Variants in GRM3 observed in about 807,000 individuals in gnomAD.
The protein encoded by GRM3 is metabotropic glutamate receptor 3.
Under a neutral mutation model 70.5 loss-of-function variants are expected in GRM3, and 26 were observed. The observed-to-expected ratio is 0.37, with a 90% confidence interval of 0.27 to 0.51. The LOEUF is 0.51. GRM3 is among the 20% of genes least tolerant of loss of function. GRM3 has a pLI of 0.93. For missense variants in GRM3, 859 were observed against 1,123.8 expected, an observed-to-expected ratio of 0.76 and a Z score of 3.37; for synonymous variants, 443 against 434.9, an observed-to-expected ratio of 1.02 and a Z score of -0.23.
chr7:86,844,960 G>A (rs1798628133), intron 4 of GRM3, among the ~76,000 whole-genome samples: 1 of 152,054 alleles, frequency 6.6e-6, no homozygotes, highest in South Asian at 2.1e-4. Context: ...CGTGACCTTG[G>A]GTTCAGGCAA....
intron 3 of GRM3, among the ~76,000 whole-genome samples, chr7:86,807,387 T>G (rs1797815765): frequency 6.9e-6 from 1 of 144,430 alleles, no homozygotes; most frequent in African/African-American, 2.7e-5. Context: ...GCATGGAATG[T>G]TCTTCCATTT....
At chr7:86,728,500 C>G (rs1453259238) in intron 1 of GRM3, among the ~76,000 whole-genome samples, 1 of 152,178 alleles carries the variant, frequency 6.6e-6, no homozygotes, top group Non-Finnish European at 1.5e-5. Flanking sequence ...CTTCTCCAGG[C>G]AATGGGGCTG....
chr7:86,787,897 TGA>T (rs1343264614), intron 3 of GRM3, among the ~76,000 whole-genome samples: 5 of 152,364 alleles, frequency 3.3e-5, no homozygotes, highest in Admixed American at 3.3e-4. Flanking sequence ...AGTATTGCAT[TGA>T]ATGCATTACT....
At chr7:86,795,201 A>C (rs1797519301) in intron 3 of GRM3, among the ~76,000 whole-genome samples, 1 of 151,952 alleles carries the variant, frequency 6.6e-6, no homozygotes, top group South Asian at 2.1e-4. Flanking sequence ...GGGTTAACAC[A>C]TACAGAACCG....
chr7:86,842,474 C>A (rs1487896776), intron 4 of GRM3, among the ~76,000 whole-genome samples: 2 of 152,180 alleles, frequency 1.3e-5, no homozygotes, highest in Admixed American at 6.6e-5. Flanking sequence ...AATTCTCACA[C>A]CTGGTCCCTT....
At chr7:86,754,744 C>A (rs1796305492) in intron 1 of GRM3, among the ~76,000 whole-genome samples, 1 of 151,988 alleles carries the variant, frequency 6.6e-6, no homozygotes, top group South Asian at 2.1e-4. Context: ...TATATAAAAC[C>A]AATTTCAAAC....
At chr7:86,825,105 C>T (rs145198983) in intron 3 of GRM3, among the ~76,000 whole-genome samples, 382 of 152,302 alleles carry the variant, frequency 2.5e-3, no homozygotes, top group Non-Finnish European at 4.1e-3. Flanking sequence ...TCCTCACCCT[C>T]CTCCTGCCCT....
At position 86,783,848 on chromosome 7, in the gene GRM3, C is replaced by A. The variant is rs189106468; in HGVS notation, c.469-2413C>A. ...TATCGTAAGTTTGACTATATTATCA[C>A]CCCATGCTATTCAATATAGGTGATA... On this transcript the variant is annotated intron_variant, in intron 2 of 5. Coordinates refer to ENST00000361669, the MANE Select transcript of GRM3 (RefSeq NM_000840.3). 3.0e-3 allele frequency among the ~76,000 whole-genome samples: 460 copies of A among 152,234 alleles called. 6 individuals carry two copies. Among genetic ancestry groups the A allele is most frequent in the African/African-American group, 0.011 (438 of 41,534 alleles).
chr7:86,809,226 G>T (rs1797862530), intron 3 of GRM3, among the ~76,000 whole-genome samples: 2 of 152,006 alleles, frequency 1.3e-5, no homozygotes, highest in East Asian at 1.9e-4. Context: ...CACAGTTAAA[G>T]TTACTTCTCA....
At chr7:86,707,698 C>T (rs747372166) in intron 1 of GRM3, among the ~76,000 whole-genome samples, 29 of 152,062 alleles carry the variant, frequency 1.9e-4, no homozygotes, top group Admixed American at 1.1e-3. Context: ...AAATGGTTGG[C>T]ATAGTATTTA....
intron 2 of GRM3, among the ~76,000 whole-genome samples, chr7:86,771,721 A>G (rs1024329996): frequency 6.6e-6 from 1 of 152,108 alleles, no homozygotes; most frequent in African/African-American, 2.4e-5. Flanking sequence ...CCAAGTGTAG[A>G]ATCTGAGTAT....
chr7:86,655,820 C>CTGTGTGTG (rs371609030), intron 1 of GRM3, among the ~76,000 whole-genome samples: 22 of 144,548 alleles, frequency 1.5e-4, no homozygotes, highest in South Asian at 2.3e-4. Flanking sequence ...AAGGCTAACT[C>CTGTGTGTG]TGTGTGTGTG....
At chr7:86,669,683 G>T (rs770289641) in intron 1 of GRM3, among the ~76,000 whole-genome samples, 1 of 152,070 alleles carries the variant, frequency 6.6e-6, no homozygotes, top group African/African-American at 2.4e-5. Context: ...TATATATTTT[G>T]TTCCATTCCA....
intron 1 of GRM3, among the ~76,000 whole-genome samples, chr7:86,759,915 G>A (rs150893952): frequency 1.3e-5 from 2 of 152,060 alleles, no homozygotes; most frequent in Non-Finnish European, 2.9e-5. Context: ...TAGCTACAGC[G>A]TCTGTTTGTT....
intron 2 of GRM3, among the ~76,000 whole-genome samples, chr7:86,767,751 T>C (rs2116427656): frequency 6.6e-6 from 1 of 152,024 alleles, no homozygotes; most frequent in African/African-American, 2.4e-5. Context: ...CTACAGCAGA[T>C]GTGTAAATAT....
At chr7:86,733,615 G>A (rs933207513) in intron 1 of GRM3, among the ~76,000 whole-genome samples, 6 of 152,318 alleles carry the variant, frequency 3.9e-5, no homozygotes, top group Middle Eastern at 6.8e-3. Flanking sequence ...TAAGGACAGG[G>A]AAAAAGGTTT....
Position 86,767,513 on chromosome 7 carries a change from T to G in GRM3, c.468+1900T>G, listed in dbSNP as rs931039881. On this transcript the variant is annotated intron_variant, in intron 2 of 5. Transcript: ENST00000361669. ...TTGAGGAAAGAGTATCGGTCATACTTCATATATATATATATATATATATAT... is the reference window on the plus strand; with the variant it reads ...TTGAGGAAAGAGTATCGGTCATACTGCATATATATATATATATATATATAT... Among the ~76,000 whole-genome samples, 3 of 86,350 alleles carry G rather than the reference T, an allele frequency of 3.5e-5. No individual in the cohort carries two copies. The East Asian group carries it at 1.1e-3, about 32-fold the overall frequency. The allele number at this position is 86,350 out of a possible 152,430, so 56.6% of individuals were successfully genotyped here. A position where few individuals can be genotyped will look rare whatever the true frequency, so the allele number is the denominator to read the frequency against.
intron 1 of GRM3, among the ~76,000 whole-genome samples, chr7:86,752,907 A>G (rs1796262944): frequency 6.6e-6 from 1 of 151,986 alleles, no homozygotes; most frequent in Non-Finnish European, 1.5e-5. Context: ...GGATGCTAAC[A>G]TTTTCTGGAG....
At chr7:86,850,224 T>C in intron 4 of GRM3, 146 bp from the exon 5 acceptor site, 3 of 589,598 alleles carry the variant, frequency 5.1e-6, no homozygotes, top group Middle Eastern at 4.5e-4. Flanking sequence ...AGATTCAATA[T>C]AATTACTGTA....
Sources: gnomAD v4.1 joint callset for allele counts (sites outside exome capture counted in the v4.1 genomes callset) on GRCh38, gnomAD v4.1.1 for gene constraint, MANE v1.5 for transcripts, NCBI Gene and HGNC (gene_info 2026-07-23, HGNC 2026-07-21) for gene names.